Variants in ANAPC10 observed in about 807,000 individuals in gnomAD.
ANAPC10 encodes the protein anaphase promoting complex subunit 10.
In ANAPC10, 12 loss-of-function variants were observed where a neutral mutation model predicts 22.0. That is an observed-to-expected ratio of 0.55 (90% CI 0.35 to 0.88). The LOEUF (loss-of-function observed/expected upper bound fraction) is 0.88. Among genes scored for constraint, ANAPC10 ranks in the 40% least tolerant of loss-of-function variants. ANAPC10 has a pLI of 0.01. For synonymous variants in ANAPC10, 65 were observed against 69.5 expected (o/e 0.94, Z 0.32); for missense variants, 188 against 220.9 (o/e 0.85, Z 0.94).
At chr4:145,038,318 G>A (rs946848917) in intron 4 of ANAPC10, among the ~76,000 whole-genome samples, 4 of 152,130 alleles carry the variant, frequency 2.6e-5, no homozygotes, top group Non-Finnish European at 5.9e-5. Context: ...TTCAAGACCA[G>A]CCTGGCCAAC....
rs115041141 is a variant in ANAPC10, at chr4:145,065,804, A to G, written c.207-1112T>C. On this transcript the variant is annotated intron_variant, in intron 3 of 4. Coordinates refer to ENST00000507656, the MANE Select transcript of ANAPC10 (RefSeq NM_001256706.2). ...TTGGGGGAAAACAACAATTTTTTAA[A>G]GGCATGTAAATCTATATTTGTATAT... Among the ~76,000 whole-genome samples, 1,372 of 152,164 alleles carry G rather than the reference A, an allele frequency of 9.0e-3. 16 individuals carry two copies. Among genetic ancestry groups the G allele is most frequent in the African/African-American group, 0.032 (1,316 of 41,570 alleles).
intron 4 of ANAPC10, among the ~76,000 whole-genome samples, chr4:145,034,017 T>C (rs1217012687): frequency 6.6e-6 from 1 of 152,188 alleles, no homozygotes; most frequent in Non-Finnish European, 1.5e-5. Flanking sequence ...TTGATGCATT[T>C]CTGGTTGTAC....
intron 4 of ANAPC10, among the ~76,000 whole-genome samples, chr4:145,000,301 T>C (rs1222449648): frequency 2.0e-5 from 3 of 151,794 alleles, no homozygotes; most frequent in South Asian, 2.1e-4. Flanking sequence ...AAAAGCAATA[T>C]ACCCATCTGA....
At chr4:144,999,694 A>C (rs983392167) in intron 4 of ANAPC10, among the ~76,000 whole-genome samples, 29 of 152,212 alleles carry the variant, frequency 1.9e-4, no homozygotes, top group Admixed American at 5.2e-4. Context: ...TAGAACTGGA[A>C]AAAACTACTT....
At chr4:145,056,966 T>G (rs1742157755) in intron 4 of ANAPC10, among the ~76,000 whole-genome samples, 1 of 152,172 alleles carries the variant, frequency 6.6e-6, no homozygotes, top group Non-Finnish European at 1.5e-5. Flanking sequence ...CCACTTTGCC[T>G]AAAAGAAACA....
intron 4 of ANAPC10, among the ~76,000 whole-genome samples, chr4:145,010,064 A>G (rs1181166653): frequency 1.3e-5 from 2 of 152,218 alleles, no homozygotes; most frequent in African/African-American, 2.4e-5. Context: ...CAACAGACAC[A>G]TGAAAAAATG....
intron 4 of ANAPC10, among the ~76,000 whole-genome samples, chr4:145,054,684 C>G (rs1196534039): frequency 7.2e-6 from 1 of 138,878 alleles, no homozygotes; most frequent in South Asian, 2.3e-4. Flanking sequence ...GTGTGTGTGC[C>G]TGTGTGTGTG....
chr4:145,061,056 T>C (rs1742818955), intron 4 of ANAPC10, among the ~76,000 whole-genome samples: 1 of 152,110 alleles, frequency 6.6e-6, no homozygotes, highest in Non-Finnish European at 1.5e-5. Flanking sequence ...AGAAAAGTAG[T>C]ATGTTCATTA....
At chr4:145,031,609 C>A (rs529910130) in intron 4 of ANAPC10, among the ~76,000 whole-genome samples, 26 of 152,192 alleles carry the variant, frequency 1.7e-4, no homozygotes, top group Non-Finnish European at 3.1e-4. Flanking sequence ...GAAGGCTCTG[C>A]AACAGGTCCA....
rs3028860 is a variant in ANAPC10 at position 145,034,575 on chromosome 4, G to GTA, written c.327+29995_327+29996dup. Among the ~76,000 whole-genome samples the GTA allele has an allele frequency of 6.5e-3, 822 of 125,504 alleles. 19 individuals are homozygous for GTA. Among genetic ancestry groups the GTA allele is most frequent in the African/African-American group, 0.015 (428 of 29,232 alleles). 82.3% of individuals were successfully genotyped at this position (125,504 alleles called of 152,430 possible). A position where few individuals can be genotyped will look rare whatever the true frequency, so the allele number is the denominator to read the frequency against. On this transcript the variant is annotated intron_variant, in intron 4 of 4. Transcript: ENST00000507656. Reference sequence around the variant, plus strand: ...TGTGTGTGTGTGTGTGTGTGTGTGTGTATATATCCCACATACATATCCTAT... The same window carrying GTA: ...TGTGTGTGTGTGTGTGTGTGTGTGTGTATATATATCCCACATACATATCCTAT...
rs1209683155 is a variant in ANAPC10 at position 144,994,689 on chromosome 4, C to CATGG, written c.*683_*684insCCAT. ...GTCAGACACAAATTTGAAAATAACT[C>CATGG]TTCCATAAGTACTGCTAGAACTCTT... On this transcript the variant is annotated 3_prime_UTR_variant, in exon 5 of 5. Transcript: ENST00000507656. 6.6e-6 allele frequency: 1 copy of CATGG among 151,998 alleles called. No individual in the cohort carries two copies. Among genetic ancestry groups the CATGG allele is most frequent in the Non-Finnish European group, 1.5e-5 (1 of 67,936 alleles). 9.4% of individuals were successfully genotyped at this position (151,998 alleles called of 1,614,324 possible).
chr4:145,090,465 A>G (rs1282914806), intron 2 of ANAPC10, among the ~76,000 whole-genome samples: 1 of 152,218 alleles, frequency 6.6e-6, no homozygotes, highest in South Asian at 2.1e-4. Flanking sequence ...CAGAATAAGC[A>G]TCATCTCCAT....
At chr4:145,035,474 C>A (rs1198839592) in intron 4 of ANAPC10, 2 of 152,272 alleles carry the variant, frequency 1.3e-5, no homozygotes, top group Non-Finnish European at 1.5e-5. Flanking sequence ...TACTGCTTCA[C>A]ACCATTGTCA....
intron 4 of ANAPC10, among the ~76,000 whole-genome samples, chr4:145,018,592 C>T (rs148573614): frequency 4.6e-5 from 7 of 151,774 alleles, no homozygotes; most frequent in East Asian, 1.9e-4. Context: ...GAGCCGAGAT[C>T]GTGCCATTGC....
At chr4:145,057,920 C>T (rs1221031824) in intron 4 of ANAPC10, among the ~76,000 whole-genome samples, 1 of 152,084 alleles carries the variant, frequency 6.6e-6, no homozygotes. Context: ...AACCCAACTG[C>T]CATAGCCTTA....
chr4:145,022,823 G>A (rs956217302), intron 4 of ANAPC10, among the ~76,000 whole-genome samples: 2 of 149,598 alleles, frequency 1.3e-5, no homozygotes, highest in Non-Finnish European at 3.0e-5. Context: ...ATTAAAAACA[G>A]CATCTTTTTT....
At chr4:145,016,526 G>A (rs7349727) in intron 4 of ANAPC10, among the ~76,000 whole-genome samples, 8,990 of 152,166 alleles carry the variant, frequency 0.059, 337 homozygotes, top group African/African-American at 0.11. Context: ...AATCAATATT[G>A]TGAAAATGGC....
At chr4:145,072,392 A>G (rs148144848) in intron 3 of ANAPC10, among the ~76,000 whole-genome samples, 11 of 152,354 alleles carry the variant, frequency 7.2e-5, no homozygotes, top group African/African-American at 2.2e-4. Flanking sequence ...AAACTGCTAC[A>G]TAAATCGAGA....
At chr4:145,026,957 G>GTATATATATATATATATATATA (rs1578954678) in intron 4 of ANAPC10, among the ~76,000 whole-genome samples, 2 of 18,350 alleles carry the variant, frequency 1.1e-4, no homozygotes, top group Non-Finnish European at 1.7e-4. Context: ...GTGTGTGTGT[G>GTATATATATATATATATATATA]TATATATATA....
Sources: allele counts gnomAD v4.1 joint callset (sites outside exome capture counted in the v4.1 genomes callset), GRCh38; gene constraint gnomAD v4.1.1; transcripts MANE v1.5; gene names NCBI Gene and HGNC (gene_info 2026-07-23, HGNC 2026-07-21).